The following MARCHF1 variants were observed in gnomAD, a reference collection of about 807,000 sequenced individuals.
MARCHF1 encodes membrane associated ring-CH-type finger 1.
MARCHF1 carries 40 observed loss-of-function variants against 54.2 expected under a neutral mutation model. That is an observed-to-expected ratio of 0.74 (90% CI 0.57 to 0.96). The LOEUF (loss-of-function observed/expected upper bound fraction) is 0.96, where lower values mean the gene tolerates loss of function less well. MARCHF1 is among the 40% of genes least tolerant of loss of function. MARCHF1 has a pLI of 0.00. For missense variants in MARCHF1, 586 were observed against 656.5 expected, an observed-to-expected ratio of 0.89 and a Z score of 1.17; for synonymous variants, 236 against 236.3, an observed-to-expected ratio of 1.00 and a Z score of 0.01.
At chr4:163,704,157 A>G (rs1255517473) in intron 4 of MARCHF1, among the ~76,000 whole-genome samples, 1 of 151,838 alleles carries the variant, frequency 6.6e-6, no homozygotes, top group Non-Finnish European at 1.5e-5. Flanking sequence ...AAAACACACT[A>G]AGACATTCTT....
intron 4 of MARCHF1, among the ~76,000 whole-genome samples, chr4:163,836,949 A>G (rs1277033806): frequency 6.6e-6 from 1 of 152,166 alleles, no homozygotes; most frequent in Admixed American, 6.5e-5. Context: ...GAATTTTAAT[A>G]ATTGCTCGTA....
intron 3 of MARCHF1, among the ~76,000 whole-genome samples, chr4:163,912,358 TAA>T (rs144462349): frequency 6.6e-6 from 1 of 151,712 alleles, no homozygotes; most frequent in Non-Finnish European, 1.5e-5. Flanking sequence ...TCAAGGAAAA[TAA>T]AAAAAGTGTT....
chr4:164,261,975 T>G (rs550253252), intron 1 of MARCHF1, among the ~76,000 whole-genome samples: 2 of 151,692 alleles, frequency 1.3e-5, no homozygotes, highest in African/African-American at 4.8e-5. Context: ...TGTGGGTGTG[T>G]GTGTGTGTGG....
chr4:163,640,458 C>T lies in MARCHF1; in HGVS notation c.163-27065G>A, dbSNP rs528228897. On this transcript the variant is annotated intron_variant, in intron 5 of 9. Transcript: ENST00000514618. ...GATAAGGAAGTTGGTTAAAGATATA[C>T]ACCTAGTCAGGGCTAAGAGCTATCA... Among the ~76,000 whole-genome samples, 14 of 152,258 alleles carry T rather than the reference C, an allele frequency of 9.2e-5. No individual in the cohort carries two copies. The South Asian group carries it at 2.9e-3, about 32-fold the overall frequency.
At chr4:163,821,368 T>C (rs1353665984) in intron 4 of MARCHF1, among the ~76,000 whole-genome samples, 1 of 151,994 alleles carries the variant, frequency 6.6e-6, no homozygotes, top group Non-Finnish European at 1.5e-5. Flanking sequence ...TCTCTCCAAT[T>C]AGACCATGAC....
At chr4:164,243,958 C>A (rs1209270882) in intron 1 of MARCHF1, among the ~76,000 whole-genome samples, 6 of 152,082 alleles carry the variant, frequency 3.9e-5, no homozygotes, top group African/African-American at 1.4e-4. Flanking sequence ...ATTCATAAAG[C>A]AAGTCTGAGT....
intron 3 of MARCHF1, among the ~76,000 whole-genome samples, chr4:163,859,365 C>CTTTT (rs34227596): frequency 7.7e-6 from 1 of 130,184 alleles, no homozygotes; most frequent in Non-Finnish European, 1.7e-5. Flanking sequence ...GAGAGAAAAG[C>CTTTT]TTTTTTTTTT....
At chr4:164,328,658 C>A (rs1000753180) in intron 1 of MARCHF1, among the ~76,000 whole-genome samples, 2 of 151,864 alleles carry the variant, frequency 1.3e-5, no homozygotes, top group Non-Finnish European at 2.9e-5. Context: ...GCCTCCCCAG[C>A]AGCTGGGACT....
intron 4 of MARCHF1, among the ~76,000 whole-genome samples, chr4:163,762,785 A>G (rs569881493): frequency 6.6e-6 from 1 of 152,220 alleles, no homozygotes; most frequent in Non-Finnish European, 1.5e-5. Context: ...CTTACTATAT[A>G]CTTCCCTGAT....
At chr4:163,631,031 C>T (rs999453494) in intron 5 of MARCHF1, among the ~76,000 whole-genome samples, 2 of 152,174 alleles carry the variant, frequency 1.3e-5, no homozygotes, top group African/African-American at 4.8e-5. Flanking sequence ...GTATGCACTA[C>T]AGGAGTGATT....
intron 2 of MARCHF1, among the ~76,000 whole-genome samples, chr4:164,023,859 G>A (rs1441234301): frequency 2.0e-5 from 3 of 152,046 alleles, no homozygotes; most frequent in Non-Finnish European, 4.4e-5. Flanking sequence ...AAATCCAAAG[G>A]CTGAAAAATG....
chr4:163,854,201 C>T, intron 3 of MARCHF1, 32 bp from the exon 4 acceptor site: 1 of 1,432,950 alleles, frequency 7.0e-7, no homozygotes, highest in South Asian at 1.4e-5. Context: ...TGAAACAGGT[C>T]ACTTATTTTA....
At chr4:163,564,449 G>A (rs566335885) in intron 8 of MARCHF1, among the ~76,000 whole-genome samples, 10 of 152,314 alleles carry the variant, frequency 6.6e-5, no homozygotes, top group African/African-American at 2.4e-4. Context: ...GCATGAAAAT[G>A]CTCTGAACCA....
At chr4:163,940,123 T>A (rs998335629) in intron 3 of MARCHF1, among the ~76,000 whole-genome samples, 2 of 152,136 alleles carry the variant, frequency 1.3e-5, no homozygotes, top group African/African-American at 2.4e-5. Flanking sequence ...GATGGCCATC[T>A]GCAAATGAGG....
At chr4:164,219,814 C>A (rs968507167) in intron 1 of MARCHF1, among the ~76,000 whole-genome samples, 1 of 151,960 alleles carries the variant, frequency 6.6e-6, no homozygotes, top group African/African-American at 2.4e-5. Context: ...TTCAATGCTA[C>A]ACTAGGACAT....
At chr4:163,977,824 T>C (rs1752679189) in intron 3 of MARCHF1, among the ~76,000 whole-genome samples, 1 of 152,208 alleles carries the variant, frequency 6.6e-6, no homozygotes, top group Non-Finnish European at 1.5e-5. Flanking sequence ...CCTATAAATA[T>C]AAACTTTCAA....
chr4:164,226,778 GCTCATCC>G (rs1732267064), intron 1 of MARCHF1, among the ~76,000 whole-genome samples: 1 of 151,890 alleles, frequency 6.6e-6, no homozygotes, highest in Admixed American at 6.6e-5. Context: ...CCTTCCCACA[GCTCATCC>G]CCATCTCTCT....
intron 3 of MARCHF1, among the ~76,000 whole-genome samples, chr4:163,894,892 A>G (rs1176976308): frequency 2.6e-5 from 1 of 37,888 alleles, no homozygotes; most frequent in African/African-American, 6.0e-5. Context: ...ATGCATATAT[A>G]TATGCATGTG....
At chr4:164,133,940 C>G (rs1756351755) in intron 1 of MARCHF1, among the ~76,000 whole-genome samples, 1 of 152,182 alleles carries the variant, frequency 6.6e-6, no homozygotes, top group Admixed American at 6.5e-5. Context: ...AGATTATACT[C>G]TTCGCATATA....
Sources: gnomAD v4.1 joint callset for allele counts (sites outside exome capture counted in the v4.1 genomes callset) on GRCh38, gnomAD v4.1.1 for gene constraint, MANE v1.5 for transcripts, NCBI Gene and HGNC (gene_info 2026-07-23, HGNC 2026-07-21) for gene names.